The following COL23A1 variants were observed in gnomAD, a reference collection of about 807,000 sequenced individuals.
COL23A1 encodes the protein collagen alpha-1(XXIII) chain.
COL23A1 carries 97 observed loss-of-function variants against 99.3 expected under a neutral mutation model. That is an observed-to-expected ratio of 0.98 (90% CI 0.83 to 1.16). The LOEUF (loss-of-function observed/expected upper bound fraction) is 1.16, where lower values mean the gene tolerates loss of function less well. COL23A1 is among the 50% of genes most tolerant of loss of function. COL23A1 has a pLI of 0.00. For synonymous variants in COL23A1, 320 were observed against 308.2 expected (o/e 1.04, Z -0.40); for missense variants, 762 against 757.4 (o/e 1.01, Z -0.07).
chr5:178,454,992 G>A (rs983158349), intron 2 of COL23A1, among the ~76,000 whole-genome samples: 1 of 152,184 alleles, frequency 6.6e-6, no homozygotes, highest in Non-Finnish European at 1.5e-5. Context: ...TGGTGTCCTT[G>A]GCCAGCAGCT....
At chr5:178,343,909 C>T (rs140607662) in intron 2 of COL23A1, among the ~76,000 whole-genome samples, 2,055 of 152,206 alleles carry the variant, frequency 0.014, 48 homozygotes, top group African/African-American at 0.047. Flanking sequence ...GATCTGCCCA[C>T]CTTGGCCTCC....
rs770310103 is a variant in COL23A1, at chr5:178,531,643, C to CT, written c.361+29038dup. On this transcript the variant is annotated intron_variant, in intron 2 of 28. Coordinates refer to ENST00000390654, the MANE Select transcript of COL23A1 (RefSeq NM_173465.4). ...AATGCAAGCCCAACGGATAGGATGG[C>CT]TTTCAGACTGCACTGGATTCAAAGT... 3.9e-5 allele frequency among the ~76,000 whole-genome samples: 6 copies of CT among 152,346 alleles called. 1 individual carries two copies. The highest frequency in any genetic ancestry group is 2.0e-4 in the Admixed American group (3 of 15,306).
intron 6 of COL23A1, among the ~76,000 whole-genome samples, chr5:178,269,651 C>T (rs1756167189): frequency 1.4e-5 from 2 of 144,960 alleles, no homozygotes; most frequent in African/African-American, 5.2e-5. Flanking sequence ...CTCACCAATC[C>T]ATTCATCCAT....
intron 2 of COL23A1, among the ~76,000 whole-genome samples, chr5:178,355,881 G>C (rs1365631828): frequency 6.7e-6 from 1 of 150,356 alleles, no homozygotes; most frequent in Non-Finnish European, 1.5e-5. Flanking sequence ...TGACAGCACT[G>C]AGCTAGTGAA....
In COL23A1 at chr5:178,308,231, G is replaced by A. The variant is rs1758473526; in HGVS notation, c.362-1312C>T. Among the ~76,000 whole-genome samples the A allele has an allele frequency of 6.6e-6, 1 of 152,126 alleles. No homozygotes were observed. The highest frequency in any genetic ancestry group is 1.5e-5 in the Non-Finnish European group (1 of 68,022). ...AGCGAGAGAGAAGAGATCCCTTCAG[G>A]TGGAGAGGGGCCCTCAGTGCTACAC... is the stretch of plus-strand genomic sequence containing the variant. On this transcript the variant is annotated intron_variant, in intron 2 of 28. Coordinates refer to ENST00000390654, the MANE Select transcript of COL23A1 (RefSeq NM_173465.4). This position sits in a 1 kb window ranked among gnomAD's most constrained non-coding sequence, Gnocchi z 5.1.
intron 2 of COL23A1, among the ~76,000 whole-genome samples, chr5:178,506,710 CCTT>C (rs1258496870): frequency 6.6e-6 from 1 of 152,188 alleles, no homozygotes. Flanking sequence ...ACAATGAAAA[CCTT>C]CTCAAAGATA....
chr5:178,373,317 G>C (rs1437549897), intron 2 of COL23A1, among the ~76,000 whole-genome samples: 1 of 152,240 alleles, frequency 6.6e-6, no homozygotes, highest in African/African-American at 2.4e-5. Context: ...CACAGGACAA[G>C]GGCAGCGCCC....
At chr5:178,422,240 A>G (rs1422791323) in intron 2 of COL23A1, among the ~76,000 whole-genome samples, 1 of 152,154 alleles carries the variant, frequency 6.6e-6, no homozygotes, top group African/African-American at 2.4e-5. Context: ...ATGCTGTCTG[A>G]AGGGACTCAC....
At chr5:178,481,220 T>C (rs1020819392) in intron 2 of COL23A1, among the ~76,000 whole-genome samples, 3 of 149,198 alleles carry the variant, frequency 2.0e-5, no homozygotes, top group Non-Finnish European at 3.0e-5. Context: ...AATGTGACCA[T>C]AATAAAAATT....
At chr5:178,376,110 C>T (rs545695013) in intron 2 of COL23A1, among the ~76,000 whole-genome samples, 5 of 152,322 alleles carry the variant, frequency 3.3e-5, no homozygotes, top group East Asian at 1.9e-4. Flanking sequence ...ACTCTGCACA[C>T]GCCACATCCC....
intron 2 of COL23A1, among the ~76,000 whole-genome samples, chr5:178,317,106 C>T (rs2127620160): frequency 6.6e-6 from 1 of 152,316 alleles, no homozygotes; most frequent in African/African-American, 2.4e-5. Flanking sequence ...ATAAGTCAGT[C>T]TCTGTTCTAG....
At chr5:178,312,127 G>A (rs1041334033) in intron 2 of COL23A1, among the ~76,000 whole-genome samples, 1 of 152,184 alleles carries the variant, frequency 6.6e-6, no homozygotes. Flanking sequence ...GTGCTGAGAC[G>A]CCGACGGAGC....
chr5:178,289,723 G>A (rs1757351913), intron 4 of COL23A1, among the ~76,000 whole-genome samples: 1 of 152,212 alleles, frequency 6.6e-6, no homozygotes, highest in African/African-American at 2.4e-5. Flanking sequence ...TACGGACATG[G>A]TGCTAGCATT....
chr5:178,293,826 G>A (rs1757588731), intron 3 of COL23A1, among the ~76,000 whole-genome samples: 1 of 152,082 alleles, frequency 6.6e-6, no homozygotes, highest in Non-Finnish European at 1.5e-5. Context: ...CTGAGAATTT[G>A]TGGATGCTGC....
intron 2 of COL23A1, chr5:178,345,336 A>G: frequency 1.9e-6 from 1 of 531,340 alleles, no homozygotes; most frequent in East Asian, 4.5e-5. Flanking sequence ...AAACACATTG[A>G]AATCATTTTT....
intron 3 of COL23A1, among the ~76,000 whole-genome samples, chr5:178,298,118 T>C (rs1757846448): frequency 7.5e-6 from 1 of 133,282 alleles, no homozygotes; most frequent in Non-Finnish European, 1.6e-5. Context: ...CTGACTTTGC[T>C]GTCAGGAATG....
rs557802075 is a variant in COL23A1 at position 178,238,511 on chromosome 5, T to C, written c.*187A>G. Reference sequence around the variant, plus strand: ...GCCCCTCAGGTACACATCTCCCTGGTCTGGCCTGTCCACTTTCCGGCAGCT... The same window carrying C: ...GCCCCTCAGGTACACATCTCCCTGGCCTGGCCTGTCCACTTTCCGGCAGCT... On this transcript the variant is annotated 3_prime_UTR_variant, in exon 29 of 29. Coordinates refer to ENST00000390654, the MANE Select transcript of COL23A1 (RefSeq NM_173465.4). 4.2e-6 allele frequency: 3 copies of C among 718,328 alleles called. No homozygotes were observed. The highest frequency in any genetic ancestry group is 4.0e-4 in the Middle Eastern group (1 of 2,522). The allele number at this position is 718,328 out of a possible 1,614,324, so 44.5% of individuals were successfully genotyped here.
chr5:178,245,499 A>C (rs1764637767), intron 25 of COL23A1, among the ~76,000 whole-genome samples: 1 of 140,048 alleles, frequency 7.1e-6, no homozygotes, highest in African/African-American at 2.7e-5. Flanking sequence ...TCATCCACCC[A>C]CCCATCATCC....
intron 1 of COL23A1, among the ~76,000 whole-genome samples, chr5:178,582,206 CAAAAAAAAAAA>C (rs11315118): frequency 3.2e-5 from 1 of 31,628 alleles, no homozygotes; most frequent in South Asian, 1.1e-3. Context: ...GACTCTATCT[CAAAAAAAAAAA>C]AAAAAAAAAA....
Sources: allele counts gnomAD v4.1 joint callset (sites outside exome capture counted in the v4.1 genomes callset), GRCh38; gene constraint gnomAD v4.1.1; non-coding constraint Gnocchi (gnomAD v3.1); transcripts MANE v1.5; gene names NCBI Gene and HGNC (gene_info 2026-07-23, HGNC 2026-07-21).